Variants in WDR4 observed in about 807,000 individuals in gnomAD.
WDR4 encodes the protein WDR4 tRNA N7-guanosine methyltransferase non-catalytic subunit, also known as tRNA (guanine-N(7)-)-methyltransferase non-catalytic subunit WDR4.
WDR4 carries 47 observed loss-of-function variants against 48.6 expected under a neutral mutation model. The ratio of observed to expected loss-of-function variants is 0.97; its 90% CI spans 0.77 to 1.23. The LOEUF is 1.23. Ranked by LOEUF, WDR4 falls within the 50% of genes most tolerant of loss-of-function variation. WDR4 has a pLI of 0.00. For missense variants in WDR4, 606 were observed against 551.6 expected, an observed-to-expected ratio of 1.10 and a Z score of -0.99; for synonymous variants, 268 against 230.0, an observed-to-expected ratio of 1.17 and a Z score of -1.49.
At chr21:42,847,670 ATAAAAGT>A (rs2057722626), downstream of WDR4, among the ~76,000 whole-genome samples, 1 of 152,274 alleles carries the variant, frequency 6.6e-6, no homozygotes, top group South Asian at 2.1e-4. Context: ...GGCTGCATCC[ATAAAAGT>A]TTATTCTCAG....
In WDR4 at chr21:42,853,725, C is replaced by T; in HGVS notation, c.819G>A (p.Leu273=). 5.1e-6 allele frequency: 8 copies of T among 1,562,412 alleles called. No individual in the cohort carries two copies. The highest frequency in any genetic ancestry group is 6.1e-6 in the Non-Finnish European group (7 of 1,153,130). ...DGTPVVYIFQ[L]DARRQQLVYR... ...ACACCAACTGCTGTCTGCGGGCGTC[C>T]AGCTGGAAGATGTAGACCACAGGAG... Residue 273 remains leucine, a synonymous_variant, in exon 9 of 11, where the codon CTG becomes CTA. Transcript: ENST00000398208.
At chr21:42,864,928 G>A (rs746283882) in intron 3 of WDR4, among the ~76,000 whole-genome samples, 3 of 152,166 alleles carry the variant, frequency 2.0e-5, no homozygotes, top group Non-Finnish European at 2.9e-5. Flanking sequence ...CCACCCCCAG[G>A]GCTGTGGCAG....
At chr21:42,880,975 G>A (rs1378290891), upstream of WDR4, among the ~76,000 whole-genome samples, 1 of 150,994 alleles carries the variant, frequency 6.6e-6, no homozygotes, top group Non-Finnish European at 1.5e-5. Context: ...TGTCGCCCAG[G>A]CTGAAGTGCA....
In WDR4 at chr21:42,873,439, C is replaced by T. The variant is rs112145119; in HGVS notation, c.296+112G>A. The T allele has an allele frequency of 3.8e-3, 5,479 of 1,454,400 alleles. 177 individuals are homozygous for T. In the African/African-American group the frequency reaches 0.068, roughly 18 times the overall value. 90.1% of individuals were successfully genotyped at this position (1,454,400 alleles called of 1,614,324 possible). The stretch of plus-strand genomic sequence containing the variant: ...GGTGTCTGGCACTGAACTGCGGCTC[C>T]GTGTCAACCACTTATCACCCTTATC... On this transcript the variant is annotated intron_variant, in intron 3 of 10. Coordinates refer to ENST00000398208, the MANE Select transcript of WDR4 (RefSeq NM_018669.6).
Position 42,862,279 on chromosome 21 carries a change from C to T in WDR4, c.566+3G>A, listed in dbSNP as rs760199336. 1.9e-6 allele frequency: 3 copies of T among 1,603,022 alleles called. No individual in the cohort carries two copies. Among genetic ancestry groups the T allele is most frequent in the Non-Finnish European group, 2.6e-6 (3 of 1,175,474 alleles). ...TGCTGGAGGGGCAGGAAGGGGCACT[C>T]ACTCTGTGTGCCCCAAGCAGAAGGA... On this transcript the variant is annotated splice_donor_region_variant and intron_variant, in intron 5 of 10. Transcript: ENST00000398208. This position sits in a 1 kb window ranked among gnomAD's most constrained non-coding sequence, Gnocchi z 4.3.
At chr21:42,880,955 A>C, upstream of WDR4, among the ~76,000 whole-genome samples, 1 of 145,590 alleles carries the variant, frequency 6.9e-6, no homozygotes, top group Non-Finnish European at 1.5e-5. Flanking sequence ...TTTTAGACGG[A>C]GTCTCGCTCT....
the WDR4 span, among the ~76,000 whole-genome samples, chr21:42,886,030 C>T: frequency 6.0e-5 from 9 of 149,732 alleles, no homozygotes; most frequent in African/African-American, 2.0e-4. Flanking sequence ...CATCTCGGCT[C>T]ACTGCAACCT....
intron 2 of WDR4, among the ~76,000 whole-genome samples, chr21:42,875,954 G>A (rs8129255): frequency 0.6 from 80,542 of 135,174 alleles, 24,477 homozygotes; most frequent in African/African-American, 0.71. Flanking sequence ...GTCTTGCTGT[G>A]TCACCCAGGT....
chr21:42,873,409 A>C, intron 3 of WDR4, 142 bp downstream of exon 3: 1 of 1,210,612 alleles, frequency 8.3e-7, no homozygotes, highest in South Asian at 1.4e-5. Context: ...TGTGGCACTG[A>C]AAGTGGTGTC....
At position 42,879,469 on chromosome 21, in the gene WDR4, C is replaced by T. The variant is rs1284549650; in HGVS notation, c.27G>A (p.Leu9=). Residue 9 remains leucine, a synonymous_variant, in exon 1 of 11, where the codon TTG becomes TTA. Transcript: ENST00000398208. Reference sequence around the variant, plus strand: ...CCCGCACCACCAACGTCTGCCCGCACAACGCCAGTCCCACAGAGCCCGCCA... The same window carrying T: ...CCCGCACCACCAACGTCTGCCCGCATAACGCCAGTCCCACAGAGCCCGCCA... The part of the protein sequence containing the change: MAGSVGLA[L]CGQTLVVRGG... 2 of 1,613,690 alleles carry T rather than the reference C, an allele frequency of 1.2e-6. No individual in the cohort carries two copies. Among genetic ancestry groups the T allele is most frequent in the Non-Finnish European group, 1.7e-6 (2 of 1,179,908 alleles).
Position 42,879,537 on chromosome 21 carries a change from A to G in WDR4, c.-42T>C, listed in dbSNP as rs367708174. The G allele has an allele frequency of 2.2e-5, 36 of 1,607,022 alleles. No individual in the cohort carries two copies. In the African/African-American group the frequency reaches 4.0e-4, roughly 18 times the overall value. On this transcript the variant is annotated 5_prime_UTR_variant, in exon 1 of 11. Coordinates refer to ENST00000398208, the MANE Select transcript of WDR4 (RefSeq NM_018669.6). ...CCGCCATACACATGTGCCAGCCCAG[A>G]GCCTCTTCCTGTCCGCACCGGTCGG...
At chr21:42,872,688 A>T (rs2058399625) in intron 3 of WDR4, among the ~76,000 whole-genome samples, 1 of 151,864 alleles carries the variant, frequency 6.6e-6, no homozygotes, top group African/African-American at 2.4e-5. Context: ...TAATCCCAGC[A>T]GTTTGGGAGG....
chr21:42,856,683 A>G (rs2058000678), intron 6 of WDR4, among the ~76,000 whole-genome samples: 1 of 152,220 alleles, frequency 6.6e-6, no homozygotes, highest in Non-Finnish European at 1.5e-5. Context: ...GACTAAATGA[A>G]AAAGATGAAA....
intron 8 of WDR4, among the ~76,000 whole-genome samples, chr21:42,854,045 T>G (rs2057916897): frequency 6.6e-6 from 1 of 152,178 alleles, no homozygotes; most frequent in African/African-American, 2.4e-5. Flanking sequence ...AGCTCTCCTC[T>G]CACACCTGCG....
chr21:42,873,525 A>C, intron 3 of WDR4, 26 bp downstream of exon 3: 1 of 1,613,132 alleles, frequency 6.2e-7, no homozygotes, highest in Non-Finnish European at 8.5e-7. Context: ...TCGACATCTT[A>C]AGAATCCAGC....
At chr21:42,879,066 C>G (rs2058567869) in intron 1 of WDR4, 1 of 1,113,910 alleles carries the variant, frequency 9.0e-7, no homozygotes, top group Non-Finnish European at 1.1e-6. Flanking sequence ...TGGTCAGCGT[C>G]GCCCCACGTG....
rs375518933 is a variant in WDR4 at position 42,854,618 on chromosome 21, G to A, written c.735C>T (p.Ala245=). The A allele has an allele frequency of 8.1e-6, 13 of 1,613,466 alleles. No individual in the cohort carries two copies. The highest frequency in any genetic ancestry group is 6.6e-5 in the South Asian group (6 of 90,966). Residue 245 remains alanine (A), a synonymous_variant, in exon 8 of 11, where the codon GCC becomes GCT. Coordinates refer to ENST00000398208, the MANE Select transcript of WDR4 (RefSeq NM_018669.6). ...GGCACCAGAATGCAATCCTGGACGC[G>A]GCAAACTTCTAAAAGGAGAAGAAGC... ...LVDPQAPQKF[A]ASRIAFWCQE...
intron 1 of WDR4, chr21:42,879,021 G>C: frequency 9.6e-7 from 1 of 1,037,418 alleles, no homozygotes; most frequent in Non-Finnish European, 1.2e-6. Context: ...CTTCTTCCCA[G>C]TTCTGCAGAG....
Position 42,859,710 on chromosome 21 carries a change from A to C in WDR4, c.579T>G (p.Arg193=). The change falls in exon 6 of 11, where the codon CGT becomes CGG. Residue 193 remains arginine, a synonymous_variant. Transcript: ENST00000398208. ...FCLGHTEFVS[R]ISVVPTQPGL... ...CGGGCTGAGTTGGCACCACGGAGAT[A>C]CGGCTCACAAACCTGTGAGGGCGAG... The C allele has an allele frequency of 6.4e-7, 1 of 1,561,436 alleles. No homozygotes were observed. The highest frequency in any genetic ancestry group is 2.4e-5 in the East Asian group (1 of 41,598).
Sources: allele counts gnomAD v4.1 joint callset (sites outside exome capture counted in the v4.1 genomes callset), GRCh38; gene constraint gnomAD v4.1.1; non-coding constraint Gnocchi (gnomAD v3.1); transcripts MANE v1.5; gene names NCBI Gene and HGNC (gene_info 2026-07-23, HGNC 2026-07-21).